Variants in DOK1 observed in about 807,000 individuals in gnomAD.
DOK1 encodes Downstream of tyrosine kinase 1.
A neutral mutation model predicts 24.0 loss-of-function variants in DOK1; 12 were observed. The observed-to-expected ratio is 0.50, with a 90% CI of 0.32 to 0.81. DOK1 has a LOEUF of 0.81. DOK1 is among the 30% of genes least tolerant of loss of function. DOK1 has a pLI of 0.03. For synonymous variants in DOK1, 250 were observed against 260.9 expected (o/e 0.96, Z 0.40); for missense variants, 591 against 620.7 (o/e 0.95, Z 0.51).
upstream of DOK1, chr2:74,554,643 G>A: frequency 9.6e-7 from 1 of 1,045,790 alleles, no homozygotes; most frequent in Non-Finnish European, 1.4e-6. The surrounding 1 kb of genome is among the most constrained non-coding windows in gnomAD (Gnocchi z 4.9). Context: ...CCCCCCAGCG[G>A]CTGCCGGCGG....
At position 74,555,865 on chromosome 2, in the gene DOK1, G is replaced by C. The variant is rs775711325; in HGVS notation, c.455-29G>C. 6.3e-7 allele frequency: 1 copy of C among 1,589,186 alleles called. No homozygotes were observed. On this transcript the variant is annotated intron_variant, in intron 3 of 4. Transcript: ENST00000233668. This position sits in a 1 kb window ranked among gnomAD's most constrained non-coding sequence, Gnocchi z 6.1. ...CCACTGCTGCCCCCGTCCCTCCCCC[G>C]CAGCTGTCTAATCGTGTATGCCTTC...
At chr2:74,552,527 C>T, upstream of DOK1, 1 of 1,613,346 alleles carries the variant, frequency 6.2e-7, no homozygotes, top group Non-Finnish European at 8.5e-7. Context: ...GGCTCCCGGC[C>T]TTCTTCTCAG....
At position 74,556,888 on chromosome 2, in the gene DOK1, A is replaced by G. The variant is rs748066595; in HGVS notation, c.1220A>G (p.Asp407Gly). The G allele has an allele frequency of 5.6e-6, 9 of 1,614,112 alleles. No homozygotes were observed. In the East Asian group the frequency reaches 2.0e-4, roughly 36 times the overall value. ...GYELPYNPATDDYAVPPPRST... is the reference protein window; with the variant it reads ...GYELPYNPATGDYAVPPPRST... ...GAGCTCCCCTACAACCCTGCCACTG[A>G]TGACTACGCTGTGCCACCCCCTCGG... Residue 407 changes from aspartate (D) to glycine (G), a missense_variant, in exon 5 of 5, where the codon GAT becomes GGT. By Grantham distance (94) the Asp-to-Gly change is moderately conservative (BLOSUM62 -1). Coordinates refer to ENST00000233668, the MANE Select transcript of DOK1 (RefSeq NM_001381.5). The surrounding 1 kb of genome is among the most constrained non-coding windows in gnomAD (Gnocchi z 4.1).
At chr2:74,552,940 A>AT (rs1677115176), upstream of DOK1, 1 of 347,188 alleles carries the variant, frequency 2.9e-6, no homozygotes, top group Admixed American at 4.5e-5. Context: ...ACTGAGCAAG[A>AT]GACACGTAGA....
chr2:74,549,562 C>T lies in DOK1; in HGVS notation c.-358+390C>T. 1 of 1,610,742 alleles carries T rather than the reference C, an allele frequency of 6.2e-7. No individual in the cohort carries two copies. Among genetic ancestry groups the T allele is most frequent in the Non-Finnish European group, 8.5e-7 (1 of 1,177,712 alleles). On this transcript the variant is annotated intron_variant, in intron 1 of 4. Coordinates refer to the DOK1 transcript ENST00000409429. The surrounding 1 kb of genome is among the most constrained non-coding windows in gnomAD (Gnocchi z 5.3). ...ACGGCGGGTCGAATTCGCACCTCCT[C>T]CACTTGCAGGTGATGCTCTACCTGG...
Position 74,549,663 on chromosome 2 carries a change from G to C in DOK1, c.-358+491G>C, listed in dbSNP as rs541606610. 6.7e-7 allele frequency: 1 copy of C among 1,494,640 alleles called. No homozygotes were observed. The highest frequency in any genetic ancestry group is 2.2e-5 in the Admixed American group (1 of 46,316). 92.6% of individuals were successfully genotyped at this position (1,494,640 alleles called of 1,614,324 possible). On this transcript the variant is annotated intron_variant, in intron 1 of 4. Coordinates refer to the DOK1 transcript ENST00000409429. This position sits in a 1 kb window ranked among gnomAD's most constrained non-coding sequence, Gnocchi z 5.3. Reference sequence around the variant, plus strand: ...CCGCCGCCCTTAAGGAACCCTGCTTGGTGTGCCTGCTGTAAACCCAGTGGC... The same window carrying C: ...CCGCCGCCCTTAAGGAACCCTGCTTCGTGTGCCTGCTGTAAACCCAGTGGC...
chr2:74,554,594 A>T, upstream of DOK1: 1 of 667,334 alleles, frequency 1.5e-6, no homozygotes, highest in Non-Finnish European at 2.5e-6. This position sits in a 1 kb window ranked among gnomAD's most constrained non-coding sequence, Gnocchi z 4.9. Flanking sequence ...GGGGGTCTCC[A>T]CCATTCCTTC....
rs1210550765 is a variant in DOK1, at chr2:74,555,387, C to T, written c.294C>T (p.His98=). The T allele has an allele frequency of 1.9e-6, 3 of 1,612,596 alleles. No individual in the cohort carries two copies. Among genetic ancestry groups the T allele is most frequent in the Non-Finnish European group, 2.5e-6 (3 of 1,179,632 alleles). Residue 98 remains histidine, a synonymous_variant, in exon 2 of 5, where the codon CAC becomes CAT. Transcript: ENST00000233668. The surrounding 1 kb of genome is among the most constrained non-coding windows in gnomAD (Gnocchi z 6.1). ...AFRLDTAQRS[H]LLAADAPSSA... is the part of the protein sequence containing the mutation. ...GCCTGGACACTGCTCAGCGCTCGCA[C>T]CTGCTGGCGGCCGACGCGCCGTCCA...
chr2:74,549,578 C>T lies in DOK1; in HGVS notation c.-358+406C>T, dbSNP rs1438494537. Reference sequence around the variant, plus strand: ...GCACCTCCTCCACTTGCAGGTGATGCTCTACCTGGGGGCGGGGCCACAAGC... The same window carrying T: ...GCACCTCCTCCACTTGCAGGTGATGTTCTACCTGGGGGCGGGGCCACAAGC... On this transcript the variant is annotated intron_variant, in intron 1 of 4. Coordinates refer to the DOK1 transcript ENST00000409429. This position sits in a 1 kb window ranked among gnomAD's most constrained non-coding sequence, Gnocchi z 5.3. The T allele has an allele frequency of 1.2e-6, 2 of 1,607,186 alleles. No homozygotes were observed. The highest frequency in any genetic ancestry group is 1.7e-6 in the Non-Finnish European group (2 of 1,175,278).
In DOK1 at chr2:74,554,748, G is replaced by C. The variant is rs200362897; in HGVS notation, c.-7G>C. On this transcript the variant is annotated 5_prime_UTR_variant, in exon 1 of 5. Coordinates refer to ENST00000233668, the MANE Select transcript of DOK1 (RefSeq NM_001381.5). The surrounding 1 kb of genome is among the most constrained non-coding windows in gnomAD (Gnocchi z 4.9). ...GCCAGGAAGCGCGGAAGGAACCGCC[G>C]GGGGCCATGGACGGAGCAGTGATGG... The C allele has an allele frequency of 4.3e-6, 7 of 1,612,838 alleles. No individual in the cohort carries two copies. The highest frequency in any genetic ancestry group is 2.2e-5 in the East Asian group (1 of 44,892).
Position 74,549,599 on chromosome 2 carries a change from C to A in DOK1, c.-358+427C>A, listed in dbSNP as rs368052222. 14 of 1,595,226 alleles carry A rather than the reference C, an allele frequency of 8.8e-6. No homozygotes were observed. In the African/African-American group the frequency reaches 1.9e-4, roughly 21 times the overall value. The stretch of plus-strand genomic sequence containing the variant: ...GATGCTCTACCTGGGGGCGGGGCCA[C>A]AAGCAGGGAAAGAATCCCAGTGGCA... On this transcript the variant is annotated intron_variant, in intron 1 of 4. Coordinates refer to the DOK1 transcript ENST00000409429. This position sits in a 1 kb window ranked among gnomAD's most constrained non-coding sequence, Gnocchi z 5.3.
chr2:74,556,694 G>A lies in DOK1; in HGVS notation c.1026G>A (p.Glu342=), dbSNP rs985083419. 3 of 1,614,124 alleles carry A rather than the reference G, an allele frequency of 1.9e-6. No homozygotes were observed. The highest frequency in any genetic ancestry group is 1.3e-5 in the African/African-American group (1 of 74,940). The change falls in exon 5 of 5, where the codon GAG becomes GAA. Residue 342 remains glutamate, a synonymous_variant. Transcript: ENST00000233668. This position sits in a 1 kb window ranked among gnomAD's most constrained non-coding sequence, Gnocchi z 4.1. The part of the protein sequence containing the change: ...RKKPLYWDLY[E]HAQQQLLKAK... ...AACCTCTCTATTGGGACTTGTATGA[G>A]CATGCGCAGCAGCAGTTGCTGAAGG...
Position 74,557,003 on chromosome 2 carries a change from C to T in DOK1, c.1335C>T (p.Asn445=), listed in dbSNP as rs753545029. The T allele has an allele frequency of 3.1e-6, 5 of 1,614,134 alleles. No individual in the cohort carries two copies. The highest frequency in any genetic ancestry group is 4.2e-6 in the Non-Finnish European group (5 of 1,180,060). Reference sequence around the variant, plus strand: ...CTGGCAGTGGCATCAAAAGCCACAACTCAGCCCTGTACAGCCAGGTCCAGA... The same window carrying T: ...CTGGCAGTGGCATCAAAAGCCACAATTCAGCCCTGTACAGCCAGGTCCAGA... The part of the protein sequence containing the change: ...TATGSGIKSH[N]SALYSQVQKS... Residue 445 remains asparagine (N), a synonymous_variant, in exon 5 of 5, where the codon AAC becomes AAT. Transcript: ENST00000233668.
In DOK1 at chr2:74,555,448, T is replaced by C; in HGVS notation, c.355T>C (p.Phe119Leu). The C allele has an allele frequency of 6.2e-7, 1 of 1,609,338 alleles. No homozygotes were observed. Among genetic ancestry groups the C allele is most frequent in the East Asian group, 2.2e-5 (1 of 44,820 alleles). ...AWVQTLCRNA[F>L]PKGSWTLAPT... ...GGTGCAGACGCTGTGCCGAAACGCC[T>C]TTCCGGTGAGGAGCTGCGGCGATGC... is the stretch of plus-strand genomic sequence containing the variant. Residue 119 changes from phenylalanine to leucine, a missense_variant, in exon 2 of 5, where the codon TTT (phenylalanine) becomes CTT (leucine). Phe to Leu is a conservative substitution (Grantham distance 22). Coordinates refer to ENST00000233668, the MANE Select transcript of DOK1 (RefSeq NM_001381.5). This position sits in a 1 kb window ranked among gnomAD's most constrained non-coding sequence, Gnocchi z 6.1.
rs756979973 is a variant in DOK1 at position 74,549,451 on chromosome 2, C to T, written c.-358+279C>T. ...ACGTGGCTGTTGTGGGCGCTCCAGC[C>T]TTTGTCGCACACTTGCGACCAGCCG... On this transcript the variant is annotated intron_variant, in intron 1 of 4. Transcript: ENST00000409429. This position sits in a 1 kb window ranked among gnomAD's most constrained non-coding sequence, Gnocchi z 5.3. 6.2e-7 allele frequency: 1 copy of T among 1,613,320 alleles called. No individual in the cohort carries two copies. Among genetic ancestry groups the T allele is most frequent in the South Asian group, 1.1e-5 (1 of 90,950 alleles).
chr2:74,550,338 C>A, upstream of DOK1: 1 of 1,613,148 alleles, frequency 6.2e-7, no homozygotes, highest in Non-Finnish European at 8.5e-7. Flanking sequence ...AGTTGTCCAG[C>A]CAGATGCGGC....
chr2:74,557,370 G>A lies in DOK1; in HGVS notation c.*256G>A, dbSNP rs2104477346. The A allele has an allele frequency of 2.2e-6, 1 of 451,098 alleles. No homozygotes were observed. Among genetic ancestry groups the A allele is most frequent in the Non-Finnish European group, 4.0e-6 (1 of 250,106 alleles). The allele number at this position is 451,098 out of a possible 1,614,324, so 27.9% of individuals were successfully genotyped here. A position where few individuals can be genotyped will look rare whatever the true frequency, so the allele number is the denominator to read the frequency against. ...TCCCTACTTCCCCAAATGAAGGGAC[G>A]GCTGTGGGACCAGGTCTGTGGAAAG... On this transcript the variant is annotated 3_prime_UTR_variant, in exon 5 of 5. Coordinates refer to ENST00000233668, the MANE Select transcript of DOK1 (RefSeq NM_001381.5).
At position 74,556,923 on chromosome 2, in the gene DOK1, C is replaced by G. The variant is rs1282297592; in HGVS notation, c.1255C>G (p.Pro419Ala). ...YAVPPPRSTK[P>A]LLAPKPQGPA... Reference sequence around the variant, plus strand: ...TGTGCCACCCCCTCGGAGCACAAAGCCCCTCCTTGCTCCCAAGCCCCAGGG... The same window carrying G: ...TGTGCCACCCCCTCGGAGCACAAAGGCCCTCCTTGCTCCCAAGCCCCAGGG... Residue 419 changes from proline (P) to alanine (A), a missense_variant, in exon 5 of 5, where the codon CCC becomes GCC. Physicochemically the swap from Pro to Ala is conservative, Grantham distance 27. Coordinates refer to ENST00000233668, the MANE Select transcript of DOK1 (RefSeq NM_001381.5). The surrounding 1 kb of genome is among the most constrained non-coding windows in gnomAD (Gnocchi z 4.1). 2 of 1,614,168 alleles carry G rather than the reference C, an allele frequency of 1.2e-6. No individual in the cohort carries two copies. Among genetic ancestry groups the G allele is most frequent in the Non-Finnish European group, 1.7e-6 (2 of 1,180,012 alleles).
In DOK1 at chr2:74,555,188, C is replaced by T. The variant is rs1302693029; in HGVS notation, c.95C>T (p.Ala32Val). ...WRKTWAVLYP[A>V]SPHGVARLEF... ...AAGACCTGGGCCGTGCTCTACCCGG[C>T]CAGTCCCCACGGCGTAGCGCGGCTC... Residue 32 changes from alanine to valine, a missense_variant, in exon 2 of 5, where the codon GCC becomes GTC. Coordinates refer to ENST00000233668, the MANE Select transcript of DOK1 (RefSeq NM_001381.5). The surrounding 1 kb of genome is among the most constrained non-coding windows in gnomAD (Gnocchi z 6.1). 1 of 1,613,318 alleles carries T rather than the reference C, an allele frequency of 6.2e-7. No homozygotes were observed. The highest frequency in any genetic ancestry group is 1.7e-5 in the Admixed American group (1 of 60,012).
Sources: allele counts gnomAD v4.1 joint callset, GRCh38; gene constraint gnomAD v4.1.1; non-coding constraint Gnocchi (gnomAD v3.1); transcripts MANE v1.5; gene names NCBI Gene and HGNC (gene_info 2026-07-23, HGNC 2026-07-21).